Variants in FOXP2 observed in about 807,000 individuals in gnomAD.
FOXP2 encodes the protein forkhead box protein P2.
FOXP2 carries 12 observed loss-of-function variants against 115.8 expected under a neutral mutation model. The observed-to-expected ratio is 0.10, with a 90% CI of 0.07 to 0.17. FOXP2 has a LOEUF of 0.17. Among genes scored for constraint, FOXP2 ranks in the 10% least tolerant of loss-of-function variants. The probability of loss-of-function intolerance (pLI) is 1.00; values close to 1 mark genes in which losing one functional copy is unlikely to be tolerated. For missense variants in FOXP2, 629 were observed against 843.5 expected (o/e 0.75, Z 3.15); for synonymous variants, 328 against 297.7 (o/e 1.10, Z -1.05).
intron 8 of FOXP2, among the ~76,000 whole-genome samples, chr7:114,649,742 G>A (rs529187974): frequency 2.2e-4 from 34 of 152,044 alleles, no homozygotes; most frequent in Non-Finnish European, 4.0e-4. Context: ...AAACAATAGC[G>A]AGGAAAGGAG....
chr7:114,405,187 G>A lies in FOXP2; in HGVS notation c.-10-21315G>A, dbSNP rs538832641. 2.5e-3 allele frequency among the ~76,000 whole-genome samples: 373 copies of A among 151,928 alleles called. 1 individual carries two copies. Among genetic ancestry groups the A allele is most frequent in the Non-Finnish European group, 4.3e-3 (291 of 67,772 alleles). On this transcript the variant is annotated intron_variant, in intron 2 of 17. Transcript: ENST00000634411. ...TAGTTTCCCTTATACATTTATGTGT[G>A]TAGGTTTCTAAATAATTTACTTTTT...
rs151269236 is a variant in FOXP2, at chr7:114,354,195, G to A, written c.-11+66086G>A. 1.4e-3 allele frequency among the ~76,000 whole-genome samples: 217 copies of A among 152,092 alleles called. 1 individual carries two copies. The highest frequency in any genetic ancestry group is 4.8e-3 in the African/African-American group (199 of 41,518). ...GGATATTGATACTTCTGGTTCTTGG[G>A]CCTTTGTACTCATACTGAGAATTAC... On this transcript the variant is annotated intron_variant, in intron 2 of 17. Transcript: ENST00000634411.
At position 114,105,180 on chromosome 7, in the gene FOXP2, GT is replaced by G. The variant is rs538545544; in HGVS notation, c.-247+17343del. Among the ~76,000 whole-genome samples, 11 of 152,086 alleles carry G rather than the reference GT, an allele frequency of 7.2e-5. No individual in the cohort carries two copies. The East Asian group carries it at 2.1e-3, about 29-fold the overall frequency. On this transcript the variant is annotated intron_variant, in intron 1 of 19. Coordinates refer to the FOXP2 transcript ENST00000635638. The stretch of plus-strand genomic sequence containing the variant: ...TCTAAAGACTGGCACATTTTAGTTT[GT>G]ACCAGTTTTTGTGTAATTTTTTCTG...
At chr7:114,579,240 A>G (rs1013338632) in intron 3 of FOXP2, among the ~76,000 whole-genome samples, 3 of 152,212 alleles carry the variant, frequency 2.0e-5, no homozygotes, top group South Asian at 2.1e-4. Flanking sequence ...TCTGATATTT[A>G]AATATTGGAC....
intron 1 of FOXP2, among the ~76,000 whole-genome samples, chr7:114,112,789 A>T (rs538011531): frequency 6.6e-6 from 1 of 152,198 alleles, no homozygotes; most frequent in South Asian, 2.1e-4. Context: ...ATTTGAAAGG[A>T]GTTAAGAGAA....
In FOXP2 at chr7:114,658,056, G is replaced by A. The variant is rs762147136; in HGVS notation, c.1267-10G>A. 2.5e-6 allele frequency: 4 copies of A among 1,613,424 alleles called. No individual in the cohort carries two copies. Among genetic ancestry groups the A allele is most frequent in the Middle Eastern group, 3.3e-4 (2 of 6,058 alleles). On this transcript the variant is annotated splice_polypyrimidine_tract_variant and intron_variant, in intron 10 of 16. Transcript: ENST00000350908. ...TACCTTTTTCCTGCCCTTCTCTTGG[G>A]CCTTTGCAGCTAAATCTGGTGTCTA...
intron 2 of FOXP2, among the ~76,000 whole-genome samples, chr7:114,441,055 T>C (rs753834816): frequency 6.5e-4 from 99 of 152,328 alleles, no homozygotes; most frequent in South Asian, 4.1e-4. Context: ...TATATAATTT[T>C]ATTGACTCTA....
At chr7:114,357,045 G>C (rs1045510016) in intron 2 of FOXP2, among the ~76,000 whole-genome samples, 1 of 152,104 alleles carries the variant, frequency 6.6e-6, no homozygotes, top group Non-Finnish European at 1.5e-5. Context: ...GCTTGGAAGA[G>C]ATATGGTTAT....
chr7:114,259,842 A>G (rs759657372), intron 1 of FOXP2, among the ~76,000 whole-genome samples: 3 of 152,122 alleles, frequency 2.0e-5, no homozygotes, highest in Non-Finnish European at 4.4e-5. Flanking sequence ...TCTCTGTGGT[A>G]GGTTGCAAAA....
At chr7:114,224,329 G>A (rs1794696074) in intron 1 of FOXP2, among the ~76,000 whole-genome samples, 1 of 152,054 alleles carries the variant, frequency 6.6e-6, no homozygotes, top group East Asian at 1.9e-4. Flanking sequence ...CATAGAAATA[G>A]CATTGACTCC....
intron 3 of FOXP2, among the ~76,000 whole-genome samples, chr7:114,624,366 G>A (rs1006171948): frequency 1.3e-5 from 2 of 151,822 alleles, no homozygotes; most frequent in Non-Finnish European, 3.0e-5. Flanking sequence ...AAAGATCTGT[G>A]AACCACTAGT....
At chr7:114,681,214 G>A (rs1161771570) in intron 16 of FOXP2, among the ~76,000 whole-genome samples, 1 of 152,086 alleles carries the variant, frequency 6.6e-6, no homozygotes, top group Non-Finnish European at 1.5e-5. Context: ...TTGGCAATAG[G>A]AGATAATGTT....
In FOXP2 at chr7:114,356,052, C is replaced by T. The variant is rs567266720; in HGVS notation, c.-11+67943C>T. The stretch of plus-strand genomic sequence containing the variant: ...TTATTGTAGTTATCATTATCTTCAT[C>T]GCTATTATTACCCAAGTGCCTCCTT... On this transcript the variant is annotated intron_variant, in intron 2 of 17. Coordinates refer to the FOXP2 transcript ENST00000634411. Among the ~76,000 whole-genome samples the T allele has an allele frequency of 3.3e-5, 5 of 152,208 alleles. No individual in the cohort carries two copies. The South Asian group carries it at 1.0e-3, about 32-fold the overall frequency.
At chr7:114,357,733 G>A (rs1049928858) in intron 2 of FOXP2, among the ~76,000 whole-genome samples, 1 of 152,168 alleles carries the variant, frequency 6.6e-6, no homozygotes, top group Non-Finnish European at 1.5e-5. Context: ...TAGAGGATCA[G>A]TGGATACTTG....
chr7:114,673,506 T>C (rs1807603078), intron 16 of FOXP2, among the ~76,000 whole-genome samples: 1 of 152,328 alleles, frequency 6.6e-6, no homozygotes, highest in East Asian at 1.9e-4. Flanking sequence ...CTGAAATCAT[T>C]TGGGAGTGAG....
intron 1 of FOXP2, among the ~76,000 whole-genome samples, chr7:114,190,233 T>A (rs1183418457): frequency 6.6e-6 from 1 of 152,116 alleles, no homozygotes; most frequent in African/African-American, 2.4e-5. Flanking sequence ...GGTGTGTCTG[T>A]GAGGGTGTTT....
intron 3 of FOXP2, among the ~76,000 whole-genome samples, chr7:114,547,419 A>G (rs1423070290): frequency 6.6e-6 from 1 of 152,098 alleles, no homozygotes; most frequent in Non-Finnish European, 1.5e-5. Flanking sequence ...TACTTTCACT[A>G]GGGAACCGGA....
chr7:114,458,651 G>A (rs1387268115), intron 2 of FOXP2, among the ~76,000 whole-genome samples: 4 of 149,266 alleles, frequency 2.7e-5, no homozygotes, highest in Non-Finnish European at 5.9e-5. Flanking sequence ...GAGGTCAGGT[G>A]ATCCTCCCGC....
intron 2 of FOXP2, among the ~76,000 whole-genome samples, chr7:114,390,728 T>G (rs978998956): frequency 1.3e-5 from 2 of 151,894 alleles, no homozygotes; most frequent in African/African-American, 4.8e-5. Flanking sequence ...CTGATTTTTT[T>G]TTTTCTTTCT....
Sources: gnomAD v4.1 joint callset for allele counts (sites outside exome capture counted in the v4.1 genomes callset) on GRCh38, gnomAD v4.1.1 for gene constraint, MANE v1.5 for transcripts, NCBI Gene and HGNC (gene_info 2026-07-23, HGNC 2026-07-21) for gene names.